Variants in ARHGAP26 observed in about 807,000 individuals in gnomAD.
ARHGAP26 encodes the protein Rho GTPase activating protein 26.
ARHGAP26 carries 38 observed loss-of-function variants against 104.8 expected under a neutral mutation model. The observed-to-expected ratio is 0.36, with a 90% CI of 0.28 to 0.48. The LOEUF (loss-of-function observed/expected upper bound fraction) is 0.48. Ranked by LOEUF, ARHGAP26 falls within the 20% of genes least tolerant of loss-of-function variation. ARHGAP26 has a pLI of 0.99. For synonymous variants in ARHGAP26, 341 were observed against 340.0 expected (o/e 1.00, Z -0.03); for missense variants, 704 against 947.9 (o/e 0.74, Z 3.38).
chr5:143,211,578 CT>C (rs71741022), intron 21 of ARHGAP26, among the ~76,000 whole-genome samples: 40,823 of 143,740 alleles, frequency 0.28, 5,468 homozygotes, highest in East Asian at 0.42. Flanking sequence ...TACCTACTTA[CT>C]TTTTTTTTTT....
chr5:142,993,458 C>G (rs1775945919), intron 11 of ARHGAP26, among the ~76,000 whole-genome samples: 1 of 152,072 alleles, frequency 6.6e-6, no homozygotes, highest in African/African-American at 2.4e-5. Flanking sequence ...TGTGAGCCAC[C>G]ACGCCCGGCC....
chr5:142,841,522 C>T (rs1440703898), intron 1 of ARHGAP26, among the ~76,000 whole-genome samples: 2 of 152,174 alleles, frequency 1.3e-5, no homozygotes, highest in Non-Finnish European at 2.9e-5. Flanking sequence ...AATCCTTTAC[C>T]CTAGCTGGAG....
At chr5:143,095,889 C>T (rs1489198564) in intron 17 of ARHGAP26, among the ~76,000 whole-genome samples, 4 of 152,310 alleles carry the variant, frequency 2.6e-5, no homozygotes, top group Admixed American at 6.5e-5. Flanking sequence ...TTCTTCTTCA[C>T]TCAATCTATT....
In ARHGAP26 at chr5:143,054,537, T is replaced by G. The variant is rs372944589; in HGVS notation, c.1373+11T>G. On this transcript the variant is annotated intron_variant, in intron 15 of 22. Coordinates refer to ENST00000645722, the MANE Select transcript of ARHGAP26 (RefSeq NM_001135608.3). ...GAAGACCTACCTAAGGTAGGGACTT[T>G]CCATTTGCAAGGCAGAGTGCCAGCT... is the stretch of plus-strand genomic sequence containing the variant. 8.2e-6 allele frequency: 13 copies of G among 1,587,688 alleles called. No homozygotes were observed. Among genetic ancestry groups the G allele is most frequent in the Non-Finnish European group, 1.1e-5 (13 of 1,161,586 alleles).
chr5:142,801,583 G>A (rs1762077449), intron 1 of ARHGAP26, among the ~76,000 whole-genome samples: 1 of 151,322 alleles, frequency 6.6e-6, no homozygotes, highest in African/African-American at 2.4e-5. Context: ...TTTCAAGGCT[G>A]CCTGCTAAGG....
At position 142,935,333 on chromosome 5, in the gene ARHGAP26, A is replaced by T. The variant is rs149738499; in HGVS notation, c.1107+3208A>T. The stretch of plus-strand genomic sequence containing the variant: ...CATCTTATTATTAAAAACATGGGTC[A>T]GTAACCTTTTTCTGTAATGGGCCAG... On this transcript the variant is annotated intron_variant, in intron 11 of 22. Coordinates refer to ENST00000645722, the MANE Select transcript of ARHGAP26 (RefSeq NM_001135608.3). Among the ~76,000 whole-genome samples, 619 of 152,322 alleles carry T rather than the reference A, an allele frequency of 4.1e-3. 3 individuals carry two copies. Among genetic ancestry groups the T allele is most frequent in the Middle Eastern group, 0.014 (4 of 294 alleles).
At chr5:142,974,113 C>G (rs535188600) in intron 11 of ARHGAP26, among the ~76,000 whole-genome samples, 2 of 152,006 alleles carry the variant, frequency 1.3e-5, no homozygotes, top group East Asian at 3.9e-4. Flanking sequence ...TGCTTCATAT[C>G]CTGCTTGCTT....
intron 17 of ARHGAP26, among the ~76,000 whole-genome samples, chr5:143,065,230 G>A (rs941359479): frequency 6.6e-6 from 1 of 152,130 alleles, no homozygotes; most frequent in Non-Finnish European, 1.5e-5. Context: ...GGCCTTGGGA[G>A]CGTGTTCTTC....
intron 11 of ARHGAP26, among the ~76,000 whole-genome samples, chr5:143,011,457 A>G (rs954970050): frequency 2.6e-5 from 4 of 152,166 alleles, no homozygotes; most frequent in African/African-American, 7.2e-5. Flanking sequence ...TATCCCCAGC[A>G]CCTGGAACGT....
At chr5:142,778,179 G>A (rs1272528927) in intron 1 of ARHGAP26, among the ~76,000 whole-genome samples, 2 of 152,196 alleles carry the variant, frequency 1.3e-5, no homozygotes, top group Non-Finnish European at 2.9e-5. Flanking sequence ...GATATTTTTG[G>A]CCTGAGCAGT....
rs1562169770 is a variant in ARHGAP26, at chr5:142,965,413, G to A, written c.1107+33288G>A. Reference sequence around the variant, plus strand: ...CACTTTTTGATACCGCTAGACCACGGTCCACCTGGCAACGGGCGTCTTCCC... The same window carrying A: ...CACTTTTTGATACCGCTAGACCACGATCCACCTGGCAACGGGCGTCTTCCC... On this transcript the variant is annotated intron_variant, in intron 11 of 22. Coordinates refer to ENST00000645722, the MANE Select transcript of ARHGAP26 (RefSeq NM_001135608.3). Among the ~76,000 whole-genome samples the A allele has an allele frequency of 3.3e-5, 5 of 152,288 alleles. No homozygotes were observed. The South Asian group carries it at 1.0e-3, about 32-fold the overall frequency.
At chr5:142,955,468 G>A (rs1769097802) in intron 11 of ARHGAP26, among the ~76,000 whole-genome samples, 1 of 152,134 alleles carries the variant, frequency 6.6e-6, no homozygotes, top group South Asian at 2.1e-4. Flanking sequence ...TACACAGGAA[G>A]TTTTTGATAG....
intron 1 of ARHGAP26, among the ~76,000 whole-genome samples, chr5:142,828,463 A>G (rs914412707): frequency 1.3e-5 from 2 of 152,208 alleles, no homozygotes; most frequent in African/African-American, 4.8e-5. Context: ...GGTCAATTCT[A>G]AAATGGTTGG....
intron 1 of ARHGAP26, chr5:142,771,276 G>A: frequency 8.0e-7 from 1 of 1,244,268 alleles, no homozygotes; most frequent in South Asian, 3.6e-5. Context: ...CGTGTCCACA[G>A]CTCCAGCTCC....
At chr5:142,819,626 A>T (rs999772700) in intron 1 of ARHGAP26, among the ~76,000 whole-genome samples, 4 of 152,210 alleles carry the variant, frequency 2.6e-5, no homozygotes, top group Non-Finnish European at 5.9e-5. Context: ...CAGGAAGAGT[A>T]GTCATATATA....
At chr5:143,012,552 C>CATATATATATATATATACATATAT (rs1778952660) in intron 11 of ARHGAP26, among the ~76,000 whole-genome samples, 1 of 20,846 alleles carries the variant, frequency 4.8e-5, no homozygotes, top group Non-Finnish European at 1.4e-4. Flanking sequence ...TACATACATA[C>CATATATATATATATATACATATAT]ATATATATAT....
At chr5:142,817,888 G>T (rs562208519) in intron 1 of ARHGAP26, among the ~76,000 whole-genome samples, 1 of 152,156 alleles carries the variant, frequency 6.6e-6, no homozygotes, top group Non-Finnish European at 1.5e-5. Context: ...AATCTACTTG[G>T]AGTTTGGGGA....
intron 1 of ARHGAP26, among the ~76,000 whole-genome samples, chr5:142,784,393 G>C (rs1319190183): frequency 1.3e-5 from 2 of 152,152 alleles, no homozygotes; most frequent in Non-Finnish European, 2.9e-5. Flanking sequence ...ACACAGCCCA[G>C]TGGGGCTTGC....
At chr5:142,995,037 C>T (rs763155259) in intron 11 of ARHGAP26, among the ~76,000 whole-genome samples, 27 of 152,160 alleles carry the variant, frequency 1.8e-4, no homozygotes, top group East Asian at 3.8e-4. Context: ...AAGACTTAAA[C>T]GTAAGACCTA....
Sources: gnomAD v4.1 joint callset for allele counts (sites outside exome capture counted in the v4.1 genomes callset) on GRCh38, gnomAD v4.1.1 for gene constraint, MANE v1.5 for transcripts, NCBI Gene and HGNC (gene_info 2026-07-23, HGNC 2026-07-21) for gene names.